PPEF2: variants seen among roughly 807,000 people sequenced by gnomAD.
The protein encoded by PPEF2 is serine/threonine-protein phosphatase with EF-hands 2.
In PPEF2, 84 loss-of-function variants were observed where a neutral mutation model predicts 84.7. The ratio of observed to expected loss-of-function variants is 0.99; its 90% CI spans 0.83 to 1.19. The LOEUF (loss-of-function observed/expected upper bound fraction) is 1.19, where lower values mean the gene tolerates loss of function less well. PPEF2 is among the 50% of genes most tolerant of loss of function. PPEF2 has a pLI of 0.00. For synonymous variants in PPEF2, 346 were observed against 345.2 expected, an observed-to-expected ratio of 1.00 and a Z score of -0.03; for missense variants, 924 against 937.5, an observed-to-expected ratio of 0.99 and a Z score of 0.19.
chr4:75,901,051 T>C (rs1725109499), intron 1 of PPEF2, among the ~76,000 whole-genome samples: 2 of 152,244 alleles, frequency 1.3e-5, no homozygotes, highest in Admixed American at 1.3e-4. Context: ...TTTTAACTTA[T>C]ATACTTCTAT....
At position 75,860,869 on chromosome 4, in the gene PPEF2, T is replaced by C. The variant is rs1214016576; in HGVS notation, c.2060A>G (p.His687Arg). 6.2e-7 allele frequency: 1 copy of C among 1,614,144 alleles called. No individual in the cohort carries two copies. The highest frequency in any genetic ancestry group is 1.3e-5 in the African/African-American group (1 of 74,958). The change falls in exon 17 of 17, where the codon CAC becomes CGC. Residue 687 changes from histidine (H) to arginine (R), a missense_variant. Physicochemically the swap from His to Arg is conservative, Grantham distance 29. Transcript: ENST00000286719. ...FRQTWKLFSS[H>R]MNIDITDDCI... The stretch of plus-strand genomic sequence containing the variant: ...GTCATCTGTAATGTCGATATTCATG[T>C]GAGAGCTGAACAGCTTCCAGGTCTG...
intron 2 of PPEF2, among the ~76,000 whole-genome samples, chr4:75,894,197 G>C (rs911317503): frequency 1.3e-5 from 2 of 151,808 alleles, no homozygotes; most frequent in Admixed American, 6.6e-5. Flanking sequence ...TTTTTTTGAT[G>C]GTTACCCTCT....
intron 2 of PPEF2, among the ~76,000 whole-genome samples, chr4:75,893,471 C>T (rs1724936988): frequency 6.9e-6 from 1 of 144,214 alleles, no homozygotes; most frequent in African/African-American, 2.6e-5. Context: ...GCACTTTAGC[C>T]TGGGCTAGAG....
chr4:75,884,706 G>C lies in PPEF2; in HGVS notation c.634C>G (p.Arg212Gly), dbSNP rs770901768. The change falls in exon 8 of 17, where the codon CGA becomes GGA. Residue 212 changes from arginine (R) to glycine (G), a missense_variant. Physicochemically the swap from Arg to Gly is moderately radical, Grantham distance 125. Coordinates refer to ENST00000286719, the MANE Select transcript of PPEF2 (RefSeq NM_006239.3). ...AGGATCTCTACTGAATCCTTGCCTC[G>C]ATCCACAAAGTCACCGTTGAACACA... ...SYVFNGDFVD[R>G]GKDSVEILMI... The C allele has an allele frequency of 1.2e-6, 2 of 1,612,752 alleles. No individual in the cohort carries two copies. Among genetic ancestry groups the C allele is most frequent in the African/African-American group, 1.3e-5 (1 of 74,860 alleles).
At chr4:75,866,740 G>T (rs927549200) in intron 14 of PPEF2, among the ~76,000 whole-genome samples, 1 of 151,996 alleles carries the variant, frequency 6.6e-6, no homozygotes, top group Non-Finnish European at 1.5e-5. Flanking sequence ...TATATCTACA[G>T]CATTGGTTAT....
chr4:75,888,830 C>T (rs921671871), intron 5 of PPEF2, among the ~76,000 whole-genome samples: 3 of 152,234 alleles, frequency 2.0e-5, no homozygotes, highest in African/African-American at 4.8e-5. Flanking sequence ...TTCGCTTGGA[C>T]GATTGCAGTA....
At chr4:75,880,380 T>C (rs1337642899) in intron 10 of PPEF2, among the ~76,000 whole-genome samples, 1 of 152,194 alleles carries the variant, frequency 6.6e-6, no homozygotes, top group Non-Finnish European at 1.5e-5. Flanking sequence ...CTGGAGCCCA[T>C]ACCTCTCTGT....
chr4:75,865,093 T>C (rs567041279), intron 15 of PPEF2, among the ~76,000 whole-genome samples: 27 of 151,858 alleles, frequency 1.8e-4, no homozygotes, highest in Non-Finnish European at 2.9e-4. Flanking sequence ...TGCACCACCA[T>C]GCCCGGCTAA....
At chr4:75,894,823 T>C (rs1417341468) in intron 2 of PPEF2, among the ~76,000 whole-genome samples, 1 of 152,182 alleles carries the variant, frequency 6.6e-6, no homozygotes, top group Non-Finnish European at 1.5e-5. Flanking sequence ...AGATAGAAAG[T>C]CTCAGCCTGT....
intron 13 of PPEF2, among the ~76,000 whole-genome samples, chr4:75,867,702 CTG>C (rs1724165223): frequency 6.6e-6 from 1 of 152,092 alleles, no homozygotes; most frequent in Non-Finnish European, 1.5e-5. Flanking sequence ...GTTTTCCCAC[CTG>C]TAAAACAGTG....
chr4:75,895,325 A>T (rs900129149), intron 2 of PPEF2, among the ~76,000 whole-genome samples: 3 of 151,980 alleles, frequency 2.0e-5, no homozygotes, highest in African/African-American at 7.2e-5. Context: ...GCTACTTGGG[A>T]GGCTGAGGCA....
intron 8 of PPEF2, among the ~76,000 whole-genome samples, chr4:75,883,961 T>C (rs1724648644): frequency 6.8e-6 from 1 of 146,316 alleles, no homozygotes; most frequent in African/African-American, 2.5e-5. Flanking sequence ...GAAACCCGTC[T>C]CTACTAAAAA....
intron 15 of PPEF2, among the ~76,000 whole-genome samples, chr4:75,865,177 T>C (rs1724097503): frequency 6.6e-6 from 1 of 152,134 alleles, no homozygotes; most frequent in Non-Finnish European, 1.5e-5. Flanking sequence ...CCTCAGGTGA[T>C]CTGCCCGCCT....
chr4:75,871,269 G>A (rs1724268705), intron 13 of PPEF2, among the ~76,000 whole-genome samples: 1 of 151,922 alleles, frequency 6.6e-6, no homozygotes, highest in Non-Finnish European at 1.5e-5. Flanking sequence ...GAAAGAAACG[G>A]GCCTCATTAA....
intron 7 of PPEF2, 125 bp downstream of exon 7, chr4:75,886,727 A>G: frequency 2.1e-6 from 1 of 484,126 alleles, no homozygotes; most frequent in Non-Finnish European, 3.4e-6. Flanking sequence ...TCTCAAAAAA[A>G]TAAAAATAAA....
chr4:75,888,232 C>T lies in PPEF2; in HGVS notation c.514G>A (p.Glu172Lys), dbSNP rs59186188. ...NINRVSTCYSEEITVCGDLHG... is the reference protein window; with the variant it reads ...NINRVSTCYSKEITVCGDLHG... ...CTCTTACCACACACTGTGATCTCCT[C>T]ACTGTAACAGGTTGAGACCCGGTTG... Residue 172 changes from glutamate (E) to lysine (K), a missense_variant, in exon 6 of 17, where the codon GAG becomes AAG. By Grantham distance (56) the Glu-to-Lys change is moderately conservative. Transcript: ENST00000286719. 1,152 of 1,612,270 alleles carry T rather than the reference C, an allele frequency of 7.1e-4. 3 individuals carry two copies. The African/African-American group carries it at 0.013, about 19-fold the overall frequency.
chr4:75,861,926 G>A (rs911415921), intron 16 of PPEF2, among the ~76,000 whole-genome samples: 1 of 149,644 alleles, frequency 6.7e-6, no homozygotes, highest in African/African-American at 2.4e-5. Context: ...CAGTTTTATA[G>A]CTAAAAAAAG....
intron 6 of PPEF2, 46 bp from the exon 7 acceptor site, chr4:75,886,944 A>G: frequency 9.5e-7 from 1 of 1,055,604 alleles, no homozygotes; most frequent in Non-Finnish European, 1.4e-6. Context: ...GTTCCTTACC[A>G]GTGCTTCTGA....
chr4:75,865,855 A>C (rs954740152), intron 15 of PPEF2, among the ~76,000 whole-genome samples: 4 of 152,186 alleles, frequency 2.6e-5, no homozygotes, highest in Admixed American at 2.6e-4. Flanking sequence ...AAGAAAGAAA[A>C]TGGGCCTTGA....
Sources: gnomAD v4.1 joint callset for allele counts (sites outside exome capture counted in the v4.1 genomes callset) on GRCh38, gnomAD v4.1.1 for gene constraint, MANE v1.5 for transcripts, NCBI Gene and HGNC (gene_info 2026-07-23, HGNC 2026-07-21) for gene names.